The following NAB1 variants were observed in gnomAD, a reference collection of about 807,000 sequenced individuals.
NAB1 encodes the protein NGFI-A binding protein 1, also known as NGFI-A-binding protein 1.
A neutral mutation model predicts 49.9 loss-of-function variants in NAB1; 25 were observed. That is an observed-to-expected ratio of 0.50 (90% CI 0.37 to 0.70). The LOEUF (loss-of-function observed/expected upper bound fraction) is 0.70. Among genes scored for constraint, NAB1 ranks in the 30% least tolerant of loss-of-function variants. The pLI, the probability that NAB1 is intolerant of heterozygous loss-of-function variation, is 0.00. For synonymous variants in NAB1, 198 were observed against 215.6 expected (o/e 0.92, Z 0.71); for missense variants, 489 against 575.9 (o/e 0.85, Z 1.54).
chr2:190,672,562 A>G lies in NAB1; in HGVS notation c.954-539A>G, dbSNP rs372434449. Among the ~76,000 whole-genome samples, 16 of 152,336 alleles carry G rather than the reference A, an allele frequency of 1.1e-4. No individual in the cohort carries two copies. In the East Asian group the frequency reaches 2.3e-3, roughly 22 times the overall value. On this transcript the variant is annotated intron_variant, in intron 5 of 9. Transcript: ENST00000337386. ...GACAAAATGCATTTTAATCTCATGT[A>G]GCCATAAACATACATCTTAAGTGGT...
intron 3 of NAB1, among the ~76,000 whole-genome samples, chr2:190,656,665 G>A (rs1171422775): frequency 6.6e-6 from 1 of 151,958 alleles, no homozygotes; most frequent in South Asian, 2.1e-4. Context: ...TTTTAAGTGG[G>A]TAAAGATGAG....
intron 9 of NAB1, 78 bp downstream of exon 9, chr2:190,687,395 CAAA>C (rs60742412): frequency 0.23 from 37,618 of 160,556 alleles, 2,083 homozygotes; most frequent in African/African-American, 0.32. Flanking sequence ...CCTCCCCCAT[CAAA>C]AAAAAAAAAA....
upstream of NAB1, chr2:190,649,041 G>C (rs1163296634): frequency 6.8e-6 from 1 of 146,796 alleles, no homozygotes; most frequent in Non-Finnish European, 1.5e-5. The surrounding 1 kb of genome is among the most constrained non-coding windows in gnomAD (Gnocchi z 6.1). Flanking sequence ...GGGGAAGGCA[G>C]GGGAGGGGAG....
Position 190,665,642 on chromosome 2 carries a change from G to A in NAB1, c.820-4684G>A, listed in dbSNP as rs1346299801. On this transcript the variant is annotated intron_variant, in intron 4 of 9. Coordinates refer to ENST00000337386, the MANE Select transcript of NAB1 (RefSeq NM_005966.4). ...CGGGAAGAAAGTGAATTCCCTAGAG[G>A]TTATTTGCTTTTTCTTTTTACTGGG... Among the ~76,000 whole-genome samples, 6 of 152,236 alleles carry A rather than the reference G, an allele frequency of 3.9e-5. No homozygotes were observed. The South Asian group carries it at 1.2e-3, about 32-fold the overall frequency.
At position 190,663,485 on chromosome 2, in the gene NAB1, T is replaced by C. The variant is rs1433142441; in HGVS notation, c.819+3490T>C. On this transcript the variant is annotated intron_variant, in intron 4 of 9. Transcript: ENST00000337386. This position sits in a 1 kb window ranked among gnomAD's most constrained non-coding sequence, Gnocchi z 4.2. ...TATTTATTTATGTACTGTTTGTGGC[T>C]GATTTTGAGCTACAATGGTGAGTTA... is the stretch of plus-strand genomic sequence containing the variant. Among the ~76,000 whole-genome samples the C allele has an allele frequency of 6.6e-6, 1 of 152,192 alleles. No individual in the cohort carries two copies. Among genetic ancestry groups the C allele is most frequent in the African/African-American group, 2.4e-5 (1 of 41,454 alleles).
chr2:190,672,795 TAGTG>T (rs1164835948), intron 5 of NAB1, among the ~76,000 whole-genome samples: 1 of 150,746 alleles, frequency 6.6e-6, no homozygotes, highest in Admixed American at 6.7e-5. Context: ...GGGTTGAACA[TAGTG>T]AGACCCCATC....
Position 190,676,378 on chromosome 2 carries a change from TATTTC to T in NAB1, c.1005+3231_1005+3235del, listed in dbSNP as rs779889578. ...AATTCTTTTAACATACTTTTTCTCT[TATTTC>T]ATTTGAGTCTTTCTCTTGTGATTCT... On this transcript the variant is annotated intron_variant, in intron 6 of 9. Transcript: ENST00000337386. The surrounding 1 kb of genome is among the most constrained non-coding windows in gnomAD (Gnocchi z 4.6). Among the ~76,000 whole-genome samples, 1 of 152,230 alleles carries T rather than the reference TATTTC, an allele frequency of 6.6e-6. No individual in the cohort carries two copies. The highest frequency in any genetic ancestry group is 1.5e-5 in the Non-Finnish European group (1 of 68,042).
At chr2:190,665,889 G>A (rs544270263) in intron 4 of NAB1, among the ~76,000 whole-genome samples, 47 of 152,226 alleles carry the variant, frequency 3.1e-4, no homozygotes, top group African/African-American at 1.1e-3. Context: ...TGAGGTTTCA[G>A]CTTTATGGAG....
intron 4 of NAB1, among the ~76,000 whole-genome samples, chr2:190,661,109 C>T (rs1028256767): frequency 3.3e-5 from 5 of 152,036 alleles, no homozygotes; most frequent in Admixed American, 6.6e-5. Flanking sequence ...TTAAGTTTTT[C>T]ATAGAGATGG....
intron 4 of NAB1, among the ~76,000 whole-genome samples, chr2:190,665,264 A>G (rs1020789108): frequency 5.3e-5 from 8 of 151,502 alleles, no homozygotes; most frequent in Non-Finnish European, 1.2e-4. Context: ...CGGAGCTTGC[A>G]GTGAGCCAAG....
chr2:190,661,589 C>T (rs1694230444), intron 4 of NAB1, among the ~76,000 whole-genome samples: 1 of 152,130 alleles, frequency 6.6e-6, no homozygotes, highest in Non-Finnish European at 1.5e-5. Context: ...TCATACCCTA[C>T]TTTTAAAAAA....
chr2:190,685,681 C>T lies in NAB1; in HGVS notation c.1258+43C>T. On this transcript the variant is annotated intron_variant, in intron 8 of 9. Transcript: ENST00000337386. This position sits in a 1 kb window ranked among gnomAD's most constrained non-coding sequence, Gnocchi z 4.5. ...CCTATGCCTTTAGGGCCACTATGTG[C>T]ACTTCAAAGAGAAACAGAAGACAGT... 3.6e-6 allele frequency: 5 copies of T among 1,403,484 alleles called. No individual in the cohort carries two copies. Among genetic ancestry groups the T allele is most frequent in the East Asian group, 2.5e-5 (1 of 39,432 alleles). The allele number at this position is 1,403,484 out of a possible 1,614,324, so 86.9% of individuals were successfully genotyped here.
In NAB1 at chr2:190,691,315, T is replaced by C. The variant is rs1420484466; in HGVS notation, c.*982T>C. 6.6e-6 allele frequency: 1 copy of C among 152,386 alleles called. No individual in the cohort carries two copies. The highest frequency in any genetic ancestry group is 2.4e-5 in the African/African-American group (1 of 41,454). The allele number at this position is 152,386 out of a possible 1,614,324, so 9.4% of individuals were successfully genotyped here. A position where few individuals can be genotyped will look rare whatever the true frequency, so the allele number is the denominator to read the frequency against. On this transcript the variant is annotated 3_prime_UTR_variant, in exon 10 of 10. Coordinates refer to ENST00000337386, the MANE Select transcript of NAB1 (RefSeq NM_005966.4). The surrounding 1 kb of genome is among the most constrained non-coding windows in gnomAD (Gnocchi z 4.1). ...TAGAGAAGTCAGAGAGACTAGATGC[T>C]TTCACTAGGGAATGTCTTCCCACCC...
intron 4 of NAB1, 138 bp downstream of exon 4, chr2:190,660,133 T>G (rs1383625510): frequency 1.4e-6 from 1 of 715,544 alleles, no homozygotes; most frequent in Non-Finnish European, 2.3e-6. Flanking sequence ...GTTAGCAACA[T>G]GTAGCACTTT....
At position 190,667,595 on chromosome 2, in the gene NAB1, T is replaced by A. The variant is rs1198888974; in HGVS notation, c.820-2731T>A. Among the ~76,000 whole-genome samples, 1 of 152,204 alleles carries A rather than the reference T, an allele frequency of 6.6e-6. No individual in the cohort carries two copies. ...GCTGAAAATAAATTCTTCCTTCAAT[T>A]ATGCTTTCATATTCAGCTATGGGTT... On this transcript the variant is annotated intron_variant, in intron 4 of 9. Coordinates refer to ENST00000337386, the MANE Select transcript of NAB1 (RefSeq NM_005966.4). The surrounding 1 kb of genome is among the most constrained non-coding windows in gnomAD (Gnocchi z 4.4).
At position 190,683,737 on chromosome 2, in the gene NAB1, G is replaced by T. The variant is rs753747345; in HGVS notation, c.1006-1G>T. On this transcript the variant is annotated splice_acceptor_variant, in intron 6 of 9. Coordinates refer to ENST00000337386, the MANE Select transcript of NAB1 (RefSeq NM_005966.4). LOFTEE classifies it high-confidence loss of function. ...TAAAGGACTTCTTATTTGACCCACAGGATGGGTTTCCAGATTTCCAGGATT... is the reference window on the plus strand; with the variant it reads ...TAAAGGACTTCTTATTTGACCCACATGATGGGTTTCCAGATTTCCAGGATT... 5 of 1,610,144 alleles carry T rather than the reference G, an allele frequency of 3.1e-6. No individual in the cohort carries two copies. Among genetic ancestry groups the T allele is most frequent in the Non-Finnish European group, 4.2e-6 (5 of 1,177,832 alleles).
Position 190,685,761 on chromosome 2 carries a change from C to A in NAB1, c.1258+123C>A. On this transcript the variant is annotated intron_variant, in intron 8 of 9. Coordinates refer to ENST00000337386, the MANE Select transcript of NAB1 (RefSeq NM_005966.4). This position sits in a 1 kb window ranked among gnomAD's most constrained non-coding sequence, Gnocchi z 4.5. ...GAGATTATTTTACAGGTTCTCTTATCAAAATTATTTTTTGAATTCTTCATT... is the reference window on the plus strand; with the variant it reads ...GAGATTATTTTACAGGTTCTCTTATAAAAATTATTTTTTGAATTCTTCATT... 1.3e-6 allele frequency: 1 copy of A among 789,606 alleles called. No individual in the cohort carries two copies. Among genetic ancestry groups the A allele is most frequent in the Non-Finnish European group, 1.8e-6 (1 of 569,948 alleles). 48.9% of individuals were successfully genotyped at this position (789,606 alleles called of 1,614,324 possible).
Position 190,684,097 on chromosome 2 carries a change from T to C in NAB1, c.1095+270T>C, listed in dbSNP as rs1485570439. On this transcript the variant is annotated intron_variant, in intron 7 of 9. Coordinates refer to ENST00000337386, the MANE Select transcript of NAB1 (RefSeq NM_005966.4). The surrounding 1 kb of genome is among the most constrained non-coding windows in gnomAD (Gnocchi z 4.6). ...GACAGATTCTCTGCTCAAGAAAACT[T>C]AAACAGTTTGATAATCAGGAAAACC... 6.6e-6 allele frequency among the ~76,000 whole-genome samples: 1 copy of C among 152,206 alleles called. No homozygotes were observed. The highest frequency in any genetic ancestry group is 1.5e-5 in the Non-Finnish European group (1 of 68,034).
At position 190,666,270 on chromosome 2, in the gene NAB1, TA is replaced by T. The variant is rs2125685573; in HGVS notation, c.820-4053del. Among the ~76,000 whole-genome samples, 1 of 152,352 alleles carries T rather than the reference TA, an allele frequency of 6.6e-6. No homozygotes were observed. Among genetic ancestry groups the T allele is most frequent in the East Asian group, 1.9e-4 (1 of 5,190 alleles). On this transcript the variant is annotated intron_variant, in intron 4 of 9. Coordinates refer to ENST00000337386, the MANE Select transcript of NAB1 (RefSeq NM_005966.4). This position sits in a 1 kb window ranked among gnomAD's most constrained non-coding sequence, Gnocchi z 5.6. ...ACAGTGTTTTTGTGCCAACAGTACT[TA>T]AAGTCACAATCATTTAATTGTTGGA...
Sources: gnomAD v4.1 joint callset for allele counts (sites outside exome capture counted in the v4.1 genomes callset) on GRCh38, gnomAD v4.1.1 for gene constraint, Gnocchi (gnomAD v3.1) non-coding constraint, MANE v1.5 for transcripts, NCBI Gene and HGNC (gene_info 2026-07-23, HGNC 2026-07-21) for gene names.